DAG1: variants seen among roughly 807,000 people sequenced by gnomAD.
DAG1 encodes dystroglycan 1.
A neutral mutation model predicts 46.1 loss-of-function variants in DAG1; 8 were observed. The observed-to-expected ratio is 0.17, with a 90% CI of 0.10 to 0.31. DAG1 has a LOEUF of 0.31. Among genes scored for constraint, DAG1 ranks in the 10% least tolerant of loss-of-function variants. DAG1 has a pLI of 1.00. For synonymous variants in DAG1, 495 were observed against 481.8 expected (o/e 1.03, Z -0.36); for missense variants, 1,003 against 1,189.9 (o/e 0.84, Z 2.31).
At chr3:49,501,678 T>G (rs1356135966) in intron 1 of DAG1, among the ~76,000 whole-genome samples, 1 of 152,030 alleles carries the variant, frequency 6.6e-6, no homozygotes, top group Non-Finnish European at 1.5e-5. Flanking sequence ...CCAAGCGTGG[T>G]GGCAGGTGCT....
rs553722437 is a variant in DAG1, at chr3:49,532,863, C to T, written c.2352C>T (p.Thr784=). The change falls in exon 3 of 3, where the codon ACC becomes ACT. Residue 784 remains threonine (T), a synonymous_variant. Coordinates refer to ENST00000308775, the MANE Select transcript of DAG1 (RefSeq NM_004393.6). The surrounding 1 kb of genome is among the most constrained non-coding windows in gnomAD (Gnocchi z 5.4). ...CYRKKRKGKL[T]LEDQATFIKK... ...GCAAGAAGCGGAAGGGCAAGCTTACCCTTGAGGACCAGGCCACCTTCATCA... is the reference window on the plus strand; with the variant it reads ...GCAAGAAGCGGAAGGGCAAGCTTACTCTTGAGGACCAGGCCACCTTCATCA... 5.9e-5 allele frequency: 95 copies of T among 1,614,134 alleles called. No homozygotes were observed. In the South Asian group the frequency reaches 9.4e-4, roughly 16 times the overall value.
Position 49,470,370 on chromosome 3 carries a change from G to T in DAG1, c.-180G>T, listed in dbSNP as rs1042673073. 1 of 152,714 alleles carries T rather than the reference G, an allele frequency of 6.5e-6. No homozygotes were observed. Among genetic ancestry groups the T allele is most frequent in the Non-Finnish European group, 1.5e-5 (1 of 68,530 alleles). The allele number at this position is 152,714 out of a possible 1,614,324, so 9.5% of individuals were successfully genotyped here. On this transcript the variant is annotated 5_prime_UTR_variant, in exon 1 of 3. Coordinates refer to ENST00000308775, the MANE Select transcript of DAG1 (RefSeq NM_004393.6). ...CTTCGCGCCGAATCCCCGGGGAGCG[G>T]CGGTGGCGGCGTCCTGGGGCCAGGA...
At chr3:49,472,802 G>A (rs547060848) in intron 1 of DAG1, among the ~76,000 whole-genome samples, 1 of 151,554 alleles carries the variant, frequency 6.6e-6, no homozygotes, top group South Asian at 2.1e-4. Flanking sequence ...TCGAGACTCC[G>A]TCTCAAAAAC....
chr3:49,507,506 T>C (rs2050636580), intron 1 of DAG1, among the ~76,000 whole-genome samples: 1 of 152,100 alleles, frequency 6.6e-6, no homozygotes, highest in Non-Finnish European at 1.5e-5. Flanking sequence ...GAGGTTACAG[T>C]GAGCCGAGAT....
At chr3:49,505,701 C>T (rs141077730) in intron 1 of DAG1, among the ~76,000 whole-genome samples, 43 of 151,818 alleles carry the variant, frequency 2.8e-4, no homozygotes, top group East Asian at 5.8e-4. Context: ...GACGGAGTTT[C>T]GCTCTTGTTG....
At chr3:49,480,397 TC>T (rs1340654121) in intron 1 of DAG1, among the ~76,000 whole-genome samples, 5 of 149,288 alleles carry the variant, frequency 3.3e-5, no homozygotes, top group African/African-American at 1.2e-4. Context: ...TGCCTCAGCC[TC>T]CCGAGTAGCT....
chr3:49,480,589 G>A (rs1290479056), intron 1 of DAG1, among the ~76,000 whole-genome samples: 1 of 145,140 alleles, frequency 6.9e-6, no homozygotes, highest in Non-Finnish European at 1.6e-5. Context: ...CACTGCGTCC[G>A]GCGCATATAA....
In DAG1 at chr3:49,531,515, C is replaced by T; in HGVS notation, c.1004C>T (p.Pro335Leu). The T allele has an allele frequency of 6.2e-7, 1 of 1,611,936 alleles. No individual in the cohort carries two copies. The highest frequency in any genetic ancestry group is 8.5e-7 in the Non-Finnish European group (1 of 1,178,308). Residue 335 changes from proline to leucine, a missense_variant, in exon 3 of 3, where the codon CCA (proline) becomes CTA (leucine). By Grantham distance (98) the Pro-to-Leu change is moderately conservative. Coordinates refer to ENST00000308775, the MANE Select transcript of DAG1 (RefSeq NM_004393.6). The surrounding 1 kb of genome is among the most constrained non-coding windows in gnomAD (Gnocchi z 7.0). ...GPPTTAIQEP[P>L]SRIVPTPTSP... ...CCAACCACGGCTATCCAGGAGCCCCCATCCAGGATCGTGCCAACCCCCACA... is the reference window on the plus strand; with the variant it reads ...CCAACCACGGCTATCCAGGAGCCCCTATCCAGGATCGTGCCAACCCCCACA...
At chr3:49,475,870 A>G (rs2049670016) in intron 1 of DAG1, among the ~76,000 whole-genome samples, 1 of 151,748 alleles carries the variant, frequency 6.6e-6, no homozygotes, top group Non-Finnish European at 1.5e-5. Context: ...CACCTGGCTA[A>G]TATATGTATA....
chr3:49,480,542 C>G lies in DAG1; in HGVS notation c.-117+10109C>G, dbSNP rs867422882. Among the ~76,000 whole-genome samples, 6 of 132,654 alleles carry G rather than the reference C, an allele frequency of 4.5e-5. 1 individual carries two copies. The highest frequency in any genetic ancestry group is 1.0e-4 in the African/African-American group (4 of 39,640). 87.0% of individuals were successfully genotyped at this position (132,654 alleles called of 152,430 possible). Reference sequence around the variant, plus strand: ...TCTCCTGACCTCGTGATCCGCCCGCCTTGGCCTCCCAAAGAGCTGGGATTA... The same window carrying G: ...TCTCCTGACCTCGTGATCCGCCCGCGTTGGCCTCCCAAAGAGCTGGGATTA... On this transcript the variant is annotated intron_variant, in intron 1 of 2. Transcript: ENST00000308775.
chr3:49,529,784 G>C (rs949736568), intron 2 of DAG1, among the ~76,000 whole-genome samples: 1 of 152,228 alleles, frequency 6.6e-6, no homozygotes, highest in African/African-American at 2.4e-5. Context: ...AGGAGCCACA[G>C]ATGGGGCTGG....
chr3:49,510,589 C>G lies in DAG1; in HGVS notation c.55C>G (p.Leu19Val). The G allele has an allele frequency of 4.3e-6, 7 of 1,614,018 alleles. No homozygotes were observed. The highest frequency in any genetic ancestry group is 5.1e-6 in the Non-Finnish European group (6 of 1,179,988). The part of the protein sequence containing the change: ...LLLPLSGRTF[L>V]LLLSVVMAQS... ...GCTGCCCCTCTCGGGGAGGACCTTT[C>G]TCCTCCTGCTCTCTGTGGTTATGGC... The change falls in exon 2 of 3, where the codon CTC becomes GTC. Residue 19 changes from leucine (L) to valine (V), a missense_variant. By Grantham distance (32) the Leu-to-Val change is conservative (BLOSUM62 1). This residue lies in a region of DAG1 where 196 missense variants were observed against 239.1 expected (regional missense o/e 0.82). Transcript: ENST00000308775.
At chr3:49,504,761 A>ATTTTTTTTTTT (rs57684297) in intron 1 of DAG1, among the ~76,000 whole-genome samples, 98 of 89,900 alleles carry the variant, frequency 1.1e-3, no homozygotes, top group Non-Finnish European at 1.5e-3. Context: ...CGCCCAGCTA[A>ATTTTTTTTTTT]TTTTTTTTTT....
chr3:49,529,283 G>T (rs1185030297), intron 2 of DAG1, among the ~76,000 whole-genome samples: 4 of 151,924 alleles, frequency 2.6e-5, no homozygotes, highest in African/African-American at 9.7e-5. Flanking sequence ...CAATCCTCCC[G>T]CCTTGGCCTC....
chr3:49,535,169 G>C lies in DAG1; in HGVS notation c.*1970G>C, dbSNP rs762960287. On this transcript the variant is annotated 3_prime_UTR_variant, in exon 3 of 3. Transcript: ENST00000308775. ...CATGCCTCCAAGTCAGAGTTTCCCT[G>C]GTGCCCCAGAGACAGGAGCACAAGT... 5.9e-5 allele frequency: 9 copies of C among 152,222 alleles called. No homozygotes were observed. Among genetic ancestry groups the C allele is most frequent in the African/African-American group, 9.7e-5 (4 of 41,434 alleles). 9.4% of individuals were successfully genotyped at this position (152,222 alleles called of 1,614,324 possible). A position where few individuals can be genotyped will look rare whatever the true frequency, so the allele number is the denominator to read the frequency against.
intron 1 of DAG1, among the ~76,000 whole-genome samples, chr3:49,479,247 C>G (rs1369180732): frequency 6.6e-6 from 1 of 152,076 alleles, no homozygotes; most frequent in African/African-American, 2.4e-5. Flanking sequence ...TTGTGATCCC[C>G]CCTGATTCCT....
intron 1 of DAG1, among the ~76,000 whole-genome samples, chr3:49,494,605 C>T (rs967967008): frequency 6.6e-6 from 1 of 151,908 alleles, no homozygotes; most frequent in Non-Finnish European, 1.5e-5. Context: ...ATCAAGTGAT[C>T]ATTGCCTTTA....
At position 49,510,802 on chromosome 3, in the gene DAG1, A is replaced by G. The variant is rs140454570; in HGVS notation, c.268A>G (p.Ser90Gly). The G allele has an allele frequency of 1.8e-5, 29 of 1,614,178 alleles. No homozygotes were observed. Among genetic ancestry groups the G allele is most frequent in the Non-Finnish European group, 2.2e-5 (26 of 1,180,032 alleles). The change falls in exon 2 of 3, where the codon AGT becomes GGT. Residue 90 changes from serine to glycine, a missense_variant. By Grantham distance (56) the Ser-to-Gly change is moderately conservative. Coordinates refer to ENST00000308775, the MANE Select transcript of DAG1 (RefSeq NM_004393.6). ...VTIPTDLIASSGDIIKVSAAG... is the reference protein window; with the variant it reads ...VTIPTDLIASGGDIIKVSAAG... ...CATTCCAACAGATTTGATTGCCTCCAGTGGAGATATCATCAAGGTGAGACT... is the reference window on the plus strand; with the variant it reads ...CATTCCAACAGATTTGATTGCCTCCGGTGGAGATATCATCAAGGTGAGACT...
chr3:49,494,751 C>T (rs1241491291), intron 1 of DAG1, among the ~76,000 whole-genome samples: 1 of 151,422 alleles, frequency 6.6e-6, no homozygotes, highest in African/African-American at 2.4e-5. Flanking sequence ...TCTCCTGCCT[C>T]AGCTTCCCGA....
Sources: allele counts gnomAD v4.1 joint callset (sites outside exome capture counted in the v4.1 genomes callset), GRCh38; gene constraint gnomAD v4.1.1; regional missense constraint gnomAD v4.1.1; non-coding constraint Gnocchi (gnomAD v3.1); transcripts MANE v1.5; gene names NCBI Gene and HGNC (gene_info 2026-07-23, HGNC 2026-07-21).